Variants in DNAJC17 observed in about 807,000 individuals in gnomAD.
DNAJC17 encodes the protein dnaJ homolog subfamily C member 17.
In DNAJC17, 35 loss-of-function variants were observed where a neutral mutation model predicts 48.1. The observed-to-expected ratio is 0.73, with a 90% CI of 0.56 to 0.96. DNAJC17 has a LOEUF of 0.96. DNAJC17 is among the 50% of genes least tolerant of loss of function. The probability of loss-of-function intolerance (pLI) is 0.00; values close to 1 mark genes in which losing one functional copy is unlikely to be tolerated. For missense variants in DNAJC17, 355 were observed against 377.1 expected, an observed-to-expected ratio of 0.94 and a Z score of 0.48; for synonymous variants, 117 against 142.7, an observed-to-expected ratio of 0.82 and a Z score of 1.28.
intron 10 of DNAJC17, 30 bp downstream of exon 10, chr15:40,773,697 C>A: frequency 6.3e-7 from 1 of 1,575,476 alleles, no homozygotes; most frequent in South Asian, 1.1e-5. Flanking sequence ...GAGACCTGAG[C>A]GCCCAGCCGG....
At chr15:40,775,224 C>A (rs1479023846) in intron 7 of DNAJC17, 116 bp from the exon 8 acceptor site, 5 of 1,159,436 alleles carry the variant, frequency 4.3e-6, no homozygotes, top group Non-Finnish European at 6.3e-6. Flanking sequence ...AAGGCTCCTG[C>A]AATCTGGGGA....
At chr15:40,775,445 C>A in intron 7 of DNAJC17, 108 bp downstream of exon 7, 1 of 1,275,340 alleles carries the variant, frequency 7.8e-7, no homozygotes, top group South Asian at 1.2e-5. Context: ...GGGCTCCACG[C>A]AGATCCAGCA....
chr15:40,785,866 G>A (rs1329310823), intron 1 of DNAJC17, among the ~76,000 whole-genome samples: 1 of 152,224 alleles, frequency 6.6e-6, no homozygotes, highest in Non-Finnish European at 1.5e-5. Context: ...TCAAAACCCA[G>A]CTGGCCTAAG....
At chr15:40,786,521 T>A (rs188109521) in intron 1 of DNAJC17, among the ~76,000 whole-genome samples, 53 of 149,416 alleles carry the variant, frequency 3.5e-4, no homozygotes, top group African/African-American at 1.3e-3. Flanking sequence ...AAAGAAACTG[T>A]GTCTGCAGGT....
intron 1 of DNAJC17, among the ~76,000 whole-genome samples, chr15:40,793,753 A>T (rs1889873229): frequency 6.6e-6 from 1 of 152,046 alleles, no homozygotes. Flanking sequence ...ACTCTATGCC[A>T]GGCACTGTGC....
rs1397262807 is a variant in DNAJC17, at chr15:40,768,122, T to G, written c.793-60A>C. The G allele has an allele frequency of 1.0e-5, 15 of 1,471,812 alleles. No individual in the cohort carries two copies. In the East Asian group the frequency reaches 3.3e-4, roughly 32 times the overall value. 91.2% of individuals were successfully genotyped at this position (1,471,812 alleles called of 1,614,324 possible). ...GACAGCAGGGCACAGCCTCACAGAC[T>G]CCGAGTACGGTGCCGAGGCAGTGCT... On this transcript the variant is annotated intron_variant, in intron 10 of 10. Coordinates refer to ENST00000220496, the MANE Select transcript of DNAJC17 (RefSeq NM_018163.3).
intron 1 of DNAJC17, among the ~76,000 whole-genome samples, chr15:40,795,991 A>G (rs1889933140): frequency 6.6e-6 from 1 of 152,246 alleles, no homozygotes; most frequent in African/African-American, 2.4e-5. Context: ...AAGTGGAAAG[A>G]TGGAAGACTT....
rs1196028466 is a variant in DNAJC17 at position 40,767,102 on chromosome 15, C to T, written c.*838G>A. ...GGGGGCGTGCACTTACCCCAGCGCC[C>T]AGCAAGCAGCCAGCAAGTGTGAGTC... On this transcript the variant is annotated 3_prime_UTR_variant, in exon 11 of 11. Coordinates refer to ENST00000220496, the MANE Select transcript of DNAJC17 (RefSeq NM_018163.3). 3.9e-6 allele frequency: 4 copies of T among 1,032,552 alleles called. No homozygotes were observed. The highest frequency in any genetic ancestry group is 5.3e-6 in the Non-Finnish European group (4 of 751,076). The allele number at this position is 1,032,552 out of a possible 1,614,324, so 64.0% of individuals were successfully genotyped here.
At position 40,769,150 on chromosome 15, in the gene DNAJC17, C is replaced by T. The variant is rs1889046386; in HGVS notation, c.793-1088G>A. Among the ~76,000 whole-genome samples, 1 of 152,210 alleles carries T rather than the reference C, an allele frequency of 6.6e-6. No individual in the cohort carries two copies. Among genetic ancestry groups the T allele is most frequent in the South Asian group, 2.1e-4 (1 of 4,828 alleles). On this transcript the variant is annotated intron_variant, in intron 10 of 10. Transcript: ENST00000220496. This position sits in a 1 kb window ranked among gnomAD's most constrained non-coding sequence, Gnocchi z 4.2. ...CCTGTTCCTCCCGATGGCTGCACCC[C>T]TCCCCTCTCCCCGGCTGCAGCAGTC...
intron 10 of DNAJC17, 23 bp downstream of exon 10, chr15:40,773,704 C>T: frequency 1.9e-6 from 3 of 1,592,310 alleles, no homozygotes; most frequent in Non-Finnish European, 2.6e-6. Context: ...GAGCGCCCAG[C>T]CGGGCGAGGC....
intron 1 of DNAJC17, among the ~76,000 whole-genome samples, chr15:40,783,358 T>C (rs1334144463): frequency 6.6e-6 from 1 of 152,042 alleles, no homozygotes; most frequent in Admixed American, 6.5e-5. Context: ...GTTCCTGGCC[T>C]CTGGGCCCCT....
At position 40,775,374 on chromosome 15, in the gene DNAJC17, C is replaced by A. The variant is rs73398526; in HGVS notation, c.522+179G>T. 3.8e-3 allele frequency: 2,975 copies of A among 792,152 alleles called. 72 individuals carry two copies. In the African/African-American group the frequency reaches 0.047, roughly 12 times the overall value. The allele number at this position is 792,152 out of a possible 1,614,324, so 49.1% of individuals were successfully genotyped here. A position where few individuals can be genotyped will look rare whatever the true frequency, so the allele number is the denominator to read the frequency against. On this transcript the variant is annotated intron_variant, in intron 7 of 10. Transcript: ENST00000220496. ...GCCCTGTGATCAGGGCTAAAAGCAG[C>A]CTTTCGTGGCAAGCTCTGATCTCCG...
At chr15:40,787,136 T>C (rs1392026636) in intron 1 of DNAJC17, among the ~76,000 whole-genome samples, 2 of 152,198 alleles carry the variant, frequency 1.3e-5, no homozygotes, top group Non-Finnish European at 2.9e-5. Flanking sequence ...GCTTCTTTTC[T>C]GGTATGGTCT....
intron 10 of DNAJC17, chr15:40,772,034 G>T (rs1036568637): frequency 6.0e-6 from 1 of 167,058 alleles, no homozygotes; most frequent in Non-Finnish European, 1.5e-5. Context: ...ACTAGTGATG[G>T]GAGCCCTGGC....
chr15:40,807,317 A>G, intron 1 of DNAJC17, 52 bp downstream of exon 1: 2 of 1,614,184 alleles, frequency 1.2e-6, no homozygotes, highest in Non-Finnish European at 1.7e-6. Context: ...GCGCTAGGAC[A>G]GGAAGGACCG....
chr15:40,779,668 T>C, intron 2 of DNAJC17, 65 bp from the exon 3 acceptor site: 7 of 1,407,788 alleles, frequency 5.0e-6, no homozygotes, highest in Admixed American at 2.4e-5. Flanking sequence ...GTGTGCTCCC[T>C]CAAAAAAAAA....
chr15:40,788,621 G>A (rs796485016), intron 1 of DNAJC17, among the ~76,000 whole-genome samples: 13 of 151,818 alleles, frequency 8.6e-5, no homozygotes, highest in African/African-American at 2.9e-4. Flanking sequence ...GCATGAACCC[G>A]GGAGGCGGAG....
intron 1 of DNAJC17, among the ~76,000 whole-genome samples, chr15:40,789,314 C>T (rs547595178): frequency 1.3e-5 from 2 of 151,364 alleles, no homozygotes; most frequent in South Asian, 4.2e-4. Context: ...CTCCTCCCAT[C>T]CCCCCGGATC....
intron 8 of DNAJC17, 91 bp from the exon 9 acceptor site, chr15:40,774,527 C>A: frequency 7.1e-7 from 1 of 1,400,400 alleles, no homozygotes; most frequent in Non-Finnish European, 1.0e-6. Flanking sequence ...CCTTGAGGCC[C>A]ATGGGGCATT....
Sources: gnomAD v4.1 joint callset for allele counts (sites outside exome capture counted in the v4.1 genomes callset) on GRCh38, gnomAD v4.1.1 for gene constraint, Gnocchi (gnomAD v3.1) non-coding constraint, MANE v1.5 for transcripts, NCBI Gene and HGNC (gene_info 2026-07-23, HGNC 2026-07-21) for gene names.